SCGB1C1: variants seen among roughly 807,000 people sequenced by gnomAD.
The protein encoded by SCGB1C1 is ligand binding protein RYD5.
Under a neutral mutation model 8.9 loss-of-function variants are expected in SCGB1C1, and 2 were observed. The ratio of observed to expected loss-of-function variants is 0.23; its 90% CI spans 0.09 to 0.71. The LOEUF (loss-of-function observed/expected upper bound fraction) is 0.71, where lower values mean the gene tolerates loss of function less well. SCGB1C1 is among the 30% of genes least tolerant of loss of function. The pLI, the probability that SCGB1C1 is intolerant of heterozygous loss-of-function variation, is 0.78. For synonymous variants in SCGB1C1, 6 were observed against 45.8 expected, an observed-to-expected ratio of 0.13 and a Z score of 3.51; for missense variants, 25 against 112.7, an observed-to-expected ratio of 0.22 and a Z score of 3.52.
At chr11:189,633 C>T (rs1382846640), upstream of SCGB1C1, among the ~76,000 whole-genome samples, 2 of 152,262 alleles carry the variant, frequency 1.3e-5, no homozygotes, top group African/African-American at 4.8e-5. Context: ...GGCGCAGAGA[C>T]GCACGTCCTC....
At chr11:193,553 G>C (rs113023462) in intron 1 of SCGB1C1, among the ~76,000 whole-genome samples, 159 bp from the exon 2 acceptor site, 1 of 152,422 alleles carries the variant, frequency 6.6e-6, no homozygotes, top group African/African-American at 2.4e-5. Context: ...GGGCAAGGTG[G>C]AGTTGGAGGT....
At chr11:191,737 A>G (rs1281508685), upstream of SCGB1C1, among the ~76,000 whole-genome samples, 5 of 152,306 alleles carry the variant, frequency 3.3e-5, no homozygotes, top group East Asian at 3.8e-4. Context: ...TGAAGGAAAA[A>G]CAAGAACTCT....
intron 1 of SCGB1C1, 46 bp from the exon 2 acceptor site, chr11:193,666 C>T (rs771646324): frequency 3.1e-6 from 5 of 1,604,420 alleles, no homozygotes; most frequent in African/African-American, 1.3e-5. Flanking sequence ...GTGGTTGCAC[C>T]AGAGTCACCC....
upstream of SCGB1C1, among the ~76,000 whole-genome samples, chr11:188,552 A>G (rs1470154532): frequency 6.6e-6 from 1 of 152,278 alleles, no homozygotes; most frequent in African/African-American, 2.4e-5. Flanking sequence ...GGAAACCTAG[A>G]AAAAATGGGT....
upstream of SCGB1C1, among the ~76,000 whole-genome samples, chr11:192,090 A>G (rs1255125049): frequency 5.9e-5 from 9 of 151,642 alleles, no homozygotes; most frequent in African/African-American, 1.9e-4. Context: ...CTGCTCATTT[A>G]GGAGTCGTTC....
chr11:188,449 T>C (rs189873517), upstream of SCGB1C1, among the ~76,000 whole-genome samples: 30 of 152,182 alleles, frequency 2.0e-4, no homozygotes, highest in Admixed American at 1.2e-3. Flanking sequence ...AAAAATATTG[T>C]TGATGGAAAA....
upstream of SCGB1C1, among the ~76,000 whole-genome samples, chr11:192,837 TGGCCTCTCACCA>T: frequency 7.0e-6 from 1 of 142,054 alleles, no homozygotes; most frequent in Non-Finnish European, 1.5e-5. Context: ...TCAGTTGGCA[TGGCCTCTCACCA>T]GTGTTCCCTC....
intron 2 of SCGB1C1, 124 bp downstream of exon 2, chr11:194,035 T>A: frequency 1.5e-6 from 1 of 664,514 alleles, no homozygotes; most frequent in Non-Finnish European, 2.5e-6. Flanking sequence ...TGCACCCGCA[T>A]CAGCCAGCTC....
rs538373631 is a variant in SCGB1C1, at chr11:193,892, C to T, written c.236C>T (p.Ala79Val). Residue 79 changes from alanine to valine, a missense_variant, in exon 2 of 3, where the codon GCG becomes GTG. Coordinates refer to ENST00000342878, the MANE Select transcript of SCGB1C1 (RefSeq NM_145651.3). ...CIDGLQPMHK[A>V]ELVKLLVQVL... The stretch of plus-strand genomic sequence containing the variant: ...GATGGCCTGCAGCCAATGCACAAGG[C>T]GGAGCTGGTCAAGCTGCTGGTATGA... 64 of 1,479,264 alleles carry T rather than the reference C, an allele frequency of 4.3e-5. No individual in the cohort carries two copies. The highest frequency in any genetic ancestry group is 1.3e-4 in the African/African-American group (9 of 70,856). The allele number at this position is 1,479,264 out of a possible 1,614,324, so 91.6% of individuals were successfully genotyped here.
chr11:192,418 T>G (rs1324403357), upstream of SCGB1C1, among the ~76,000 whole-genome samples: 9 of 151,938 alleles, frequency 5.9e-5, no homozygotes, highest in Non-Finnish European at 1.2e-4. Flanking sequence ...TGATGGAAGA[T>G]GTACCTCAAG....
upstream of SCGB1C1, among the ~76,000 whole-genome samples, chr11:192,095 T>C (rs1854824186): frequency 6.6e-6 from 1 of 151,066 alleles, no homozygotes; most frequent in Non-Finnish European, 1.5e-5. Flanking sequence ...CATTTAGGAG[T>C]CGTTCAATGT....
upstream of SCGB1C1, among the ~76,000 whole-genome samples, chr11:190,120 C>T (rs1336628947): frequency 1.5e-5 from 2 of 137,484 alleles, no homozygotes; most frequent in African/African-American, 5.1e-5. Context: ...GGTGCCCGTA[C>T]GCCGCCTGCT....
At chr11:192,356 G>A (rs1854828409), upstream of SCGB1C1, among the ~76,000 whole-genome samples, 1 of 151,850 alleles carries the variant, frequency 6.6e-6, no homozygotes, top group Non-Finnish European at 1.5e-5. Flanking sequence ...TTCAACCTGG[G>A]GGGTTGAACC....
chr11:192,799 G>A (rs1247784016), upstream of SCGB1C1, among the ~76,000 whole-genome samples: 12 of 147,756 alleles, frequency 8.1e-5, no homozygotes, highest in East Asian at 2.1e-4. Context: ...GGCCCTTGGT[G>A]GCCAGGACCC....
At chr11:192,440 C>G (rs1854830278), upstream of SCGB1C1, among the ~76,000 whole-genome samples, 2 of 151,772 alleles carry the variant, frequency 1.3e-5, no homozygotes, top group African/African-American at 4.8e-5. Flanking sequence ...CTGTCCCATT[C>G]CTCACTTCCT....
chr11:191,941 T>C (rs1239372136), upstream of SCGB1C1, among the ~76,000 whole-genome samples: 1 of 152,196 alleles, frequency 6.6e-6, no homozygotes, highest in Non-Finnish European at 1.5e-5. Flanking sequence ...CCCTGACTCC[T>C]AACCAACGTT....
upstream of SCGB1C1, among the ~76,000 whole-genome samples, chr11:191,968 C>T (rs562309969): frequency 2.3e-3 from 348 of 152,098 alleles, no homozygotes; most frequent in Non-Finnish European, 3.0e-3. Flanking sequence ...TAACCCTAAA[C>T]CCCTTACTGT....
At chr11:191,824 CCCCTAACCCTAACCCTAA>C (rs1159302315), upstream of SCGB1C1, among the ~76,000 whole-genome samples, 3 of 65,504 alleles carry the variant, frequency 4.6e-5, no homozygotes, top group African/African-American at 1.6e-4. Flanking sequence ...TAACCCCTAA[CCCCTAACCCTAACCCTAA>C]CCCTAACCCT....
chr11:191,696 T>C (rs78199766), upstream of SCGB1C1, among the ~76,000 whole-genome samples: 1 of 152,326 alleles, frequency 6.6e-6, no homozygotes, highest in East Asian at 1.9e-4. Context: ...TCTGTTAGAA[T>C]TGCTAAACTC....
Sources: allele counts gnomAD v4.1 joint callset (sites outside exome capture counted in the v4.1 genomes callset), GRCh38; gene constraint gnomAD v4.1.1; transcripts MANE v1.5; gene names NCBI Gene and HGNC (gene_info 2026-07-23, HGNC 2026-07-21).